The following SDC2 variants were observed in gnomAD, a reference collection of about 807,000 sequenced individuals.
SDC2 encodes the protein syndecan-2.
A neutral mutation model predicts 22.2 loss-of-function variants in SDC2; 13 were observed. The observed-to-expected ratio is 0.59, with a 90% CI of 0.38 to 0.93. The LOEUF is 0.93. SDC2 is among the 40% of genes least tolerant of loss of function. SDC2 has a pLI of 0.00. For missense variants in SDC2, 235 were observed against 246.8 expected, an observed-to-expected ratio of 0.95 and a Z score of 0.32; for synonymous variants, 94 against 92.8, an observed-to-expected ratio of 1.01 and a Z score of -0.07.
At chr8:96,609,272 G>T in intron 4 of SDC2, 113 bp from the exon 5 acceptor site, 2 of 811,590 alleles carry the variant, frequency 2.5e-6, no homozygotes, top group Non-Finnish European at 1.8e-6. Flanking sequence ...TTTTTATTGG[G>T]GTTTTCAAAT....
chr8:96,532,855 C>T (rs957846857), intron 1 of SDC2, among the ~76,000 whole-genome samples: 2 of 152,186 alleles, frequency 1.3e-5, no homozygotes, highest in Non-Finnish European at 2.9e-5. Context: ...GTGCCAGCAG[C>T]ATAGGCCCTG....
intron 1 of SDC2, among the ~76,000 whole-genome samples, chr8:96,568,334 A>G (rs1240569230): frequency 6.6e-6 from 1 of 152,230 alleles, no homozygotes; most frequent in East Asian, 1.9e-4. Context: ...AAAAGTGGGG[A>G]ACAGCTTGAA....
chr8:96,608,339 C>T lies in SDC2; in HGVS notation c.311C>T (p.Pro104Leu). The change falls in exon 4 of 5, where the codon CCT becomes CTT. Residue 104 changes from proline (P) to leucine (L), a missense_variant. Coordinates refer to ENST00000302190, the MANE Select transcript of SDC2 (RefSeq NM_002998.4). ...QNKIPAQTKS[P>L]EETDKEKVHL... ...TTTCCCTGTTTCCCATACCAGTCACCTGAAGAAACTGATAAAGAGAAAGTT... is the reference window on the plus strand; with the variant it reads ...TTTCCCTGTTTCCCATACCAGTCACTTGAAGAAACTGATAAAGAGAAAGTT... 1.2e-6 allele frequency: 2 copies of T among 1,612,484 alleles called. No individual in the cohort carries two copies. Among genetic ancestry groups the T allele is most frequent in the Non-Finnish European group, 1.7e-6 (2 of 1,179,200 alleles).
intron 1 of SDC2, among the ~76,000 whole-genome samples, chr8:96,585,457 G>A (rs1421970943): frequency 1.3e-5 from 2 of 152,156 alleles, no homozygotes; most frequent in Admixed American, 1.3e-4. Flanking sequence ...TGACTGGGAG[G>A]TGAGCATAGA....
At chr8:96,591,484 A>G (rs1163269970) in intron 1 of SDC2, among the ~76,000 whole-genome samples, 2 of 152,170 alleles carry the variant, frequency 1.3e-5, no homozygotes, top group Non-Finnish European at 2.9e-5. Context: ...TTTTGTGGCC[A>G]TGCATTTTGA....
chr8:96,511,293 T>G (rs1415144132), intron 1 of SDC2, among the ~76,000 whole-genome samples: 1 of 152,128 alleles, frequency 6.6e-6, no homozygotes, highest in Non-Finnish European at 1.5e-5. Context: ...CAGTCAGGAT[T>G]AGAGGCTGCT....
chr8:96,504,411 A>G (rs17784706), intron 1 of SDC2, among the ~76,000 whole-genome samples: 33,520 of 152,120 alleles, frequency 0.22, 3,847 homozygotes, highest in Non-Finnish European at 0.27. Flanking sequence ...AATGCAAGAG[A>G]TGGTTTTGAA....
intron 1 of SDC2, among the ~76,000 whole-genome samples, chr8:96,544,752 T>G (rs967869944): frequency 6.6e-6 from 1 of 152,220 alleles, no homozygotes; most frequent in Non-Finnish European, 1.5e-5. Flanking sequence ...TGAATGGGTT[T>G]AGACATGGTT....
In SDC2 at chr8:96,562,185, C is replaced by A. The variant is rs758933676; in HGVS notation, c.61-31295C>A. 7.9e-5 allele frequency among the ~76,000 whole-genome samples: 12 copies of A among 152,162 alleles called. 1 individual carries two copies. The highest frequency in any genetic ancestry group is 1.5e-4 in the Non-Finnish European group (10 of 68,024). ...AATTTTTGTGAAGAGTTTTTAAGAT[C>A]TATGTCTAGATTCATTTTGTTTTTG... On this transcript the variant is annotated intron_variant, in intron 1 of 4. Transcript: ENST00000302190.
intron 1 of SDC2, among the ~76,000 whole-genome samples, chr8:96,529,665 G>C (rs2575729): frequency 0.022 from 3,408 of 152,262 alleles, 122 homozygotes; most frequent in African/African-American, 0.076. Context: ...CCTGTTTGTA[G>C]AGTGAGTGAG....
chr8:96,544,065 A>G (rs998687922), intron 1 of SDC2, among the ~76,000 whole-genome samples: 1 of 152,164 alleles, frequency 6.6e-6, no homozygotes, highest in Non-Finnish European at 1.5e-5. Context: ...CACCCTACCC[A>G]TGATATTGAC....
intron 1 of SDC2, among the ~76,000 whole-genome samples, chr8:96,500,576 T>A (rs1237797798): frequency 2.0e-5 from 3 of 148,086 alleles, no homozygotes; most frequent in Non-Finnish European, 4.4e-5. Flanking sequence ...GCAGGAGAAT[T>A]GCTTGAACAC....
intron 1 of SDC2, among the ~76,000 whole-genome samples, chr8:96,517,498 GT>G (rs559263213): frequency 2.0e-4 from 31 of 152,012 alleles, no homozygotes; most frequent in Non-Finnish European, 3.4e-4. Context: ...TTTTGAATTA[GT>G]TTTTGCATAT....
At chr8:96,511,483 G>A (rs1296401866) in intron 1 of SDC2, among the ~76,000 whole-genome samples, 1 of 152,198 alleles carries the variant, frequency 6.6e-6, no homozygotes, top group Non-Finnish European at 1.5e-5. Flanking sequence ...CTGATTTATA[G>A]AAATAGTGAG....
chr8:96,537,666 G>T (rs1033342072), intron 1 of SDC2, among the ~76,000 whole-genome samples: 14 of 152,090 alleles, frequency 9.2e-5, no homozygotes, highest in Admixed American at 2.6e-4. Context: ...GGATATTTTG[G>T]TTATTTTTTA....
intron 1 of SDC2, among the ~76,000 whole-genome samples, chr8:96,561,278 T>A (rs565568457): frequency 6.6e-6 from 1 of 152,308 alleles, no homozygotes; most frequent in East Asian, 1.9e-4. Context: ...ATACTCAGTA[T>A]ATGCTTGCTC....
At chr8:96,501,389 C>T (rs1813163183) in intron 1 of SDC2, among the ~76,000 whole-genome samples, 1 of 145,116 alleles carries the variant, frequency 6.9e-6, no homozygotes, top group South Asian at 2.2e-4. Flanking sequence ...TCACTGCAAC[C>T]TCCTCCCCCC....
intron 1 of SDC2, among the ~76,000 whole-genome samples, chr8:96,549,100 C>T (rs2130532669): frequency 6.6e-6 from 1 of 152,264 alleles, no homozygotes; most frequent in South Asian, 2.1e-4. Flanking sequence ...CTGTCAGAAA[C>T]ATTTCTTAGG....
intron 2 of SDC2, among the ~76,000 whole-genome samples, chr8:96,599,248 T>C (rs1052332398): frequency 4.6e-5 from 7 of 152,132 alleles, no homozygotes; most frequent in African/African-American, 1.4e-4. Flanking sequence ...GCCCTGTCTT[T>C]AACTTTAAAA....
Sources: allele counts gnomAD v4.1 joint callset (sites outside exome capture counted in the v4.1 genomes callset), GRCh38; gene constraint gnomAD v4.1.1; transcripts MANE v1.5; gene names NCBI Gene and HGNC (gene_info 2026-07-23, HGNC 2026-07-21).